The following USP46 variants were observed in gnomAD, a reference collection of about 807,000 sequenced individuals.
USP46 encodes ubiquitin specific peptidase 46, also known as ubiquitin carboxyl-terminal hydrolase 46.
Under a neutral mutation model 44.4 loss-of-function variants are expected in USP46, and 12 were observed. That is an observed-to-expected ratio of 0.27 (90% CI 0.17 to 0.44). The LOEUF is 0.44. Among genes scored for constraint, USP46 ranks in the 20% least tolerant of loss-of-function variants. The pLI, the probability that USP46 is intolerant of heterozygous loss-of-function variation, is 1.00. For missense variants in USP46, 248 were observed against 444.8 expected (o/e 0.56, Z 3.98); for synonymous variants, 155 against 161.5 (o/e 0.96, Z 0.31).
Position 52,626,129 on chromosome 4 carries a change from T to G in USP46, c.450A>C (p.Lys150Asn), listed in dbSNP as rs1247932607. Residue 150 changes from lysine (K) to asparagine (N), a missense_variant, in exon 4 of 9, where the codon AAA (lysine) becomes AAC (asparagine). Physicochemically the swap from Lys to Asn is moderately conservative, Grantham distance 94. Coordinates refer to ENST00000441222, the MANE Select transcript of USP46 (RefSeq NM_022832.4). ...CCGCAGGTTCGTTCATGTTGCCATTTTTTAATTTTCCATTTTGTTTTTCCT... is the reference window on the plus strand; with the variant it reads ...CCGCAGGTTCGTTCATGTTGCCATTGTTTAATTTTCCATTTTGTTTTTCCT... ...KKQEKQNGKL[K>N]NGNMNEPAEN... The G allele has an allele frequency of 6.2e-7, 1 of 1,613,932 alleles. No individual in the cohort carries two copies. Among genetic ancestry groups the G allele is most frequent in the East Asian group, 2.2e-5 (1 of 44,872 alleles).
At chr4:52,651,506 A>G (rs547825663) in intron 1 of USP46, among the ~76,000 whole-genome samples, 1 of 152,334 alleles carries the variant, frequency 6.6e-6, no homozygotes, top group African/African-American at 2.4e-5. Flanking sequence ...TCATACTCTG[A>G]AAATTAAAAT....
At chr4:52,634,260 G>C (rs1017497059) in intron 1 of USP46, among the ~76,000 whole-genome samples, 1 of 151,196 alleles carries the variant, frequency 6.6e-6, no homozygotes, top group African/African-American at 2.4e-5. Flanking sequence ...TGTAATCCCA[G>C]CACTTTGGGA....
chr4:52,604,891 C>T (rs536214234), intron 5 of USP46, among the ~76,000 whole-genome samples: 2 of 152,050 alleles, frequency 1.3e-5, no homozygotes, highest in Non-Finnish European at 2.9e-5. Context: ...GGGTTTCCAA[C>T]TGGATTCAGA....
chr4:52,656,819 C>T (rs959135330), intron 1 of USP46, among the ~76,000 whole-genome samples: 1 of 151,746 alleles, frequency 6.6e-6, no homozygotes, highest in Non-Finnish European at 1.5e-5. Flanking sequence ...GTGGGAGGAC[C>T]ACTTGAGCCC....
At chr4:52,626,307 T>C (rs1717582391) in intron 3 of USP46, 60 bp from the exon 4 acceptor site, 6 of 1,362,532 alleles carry the variant, frequency 4.4e-6, no homozygotes, top group Non-Finnish European at 6.1e-6. Flanking sequence ...TGGATGTAAT[T>C]AGTGTTACAT....
chr4:52,599,262 AG>A (rs1368718349), intron 7 of USP46, among the ~76,000 whole-genome samples: 3 of 113,586 alleles, frequency 2.6e-5, no homozygotes, highest in Non-Finnish European at 5.4e-5. Flanking sequence ...GGGGAGGGGT[AG>A]GGGTGGGGGT....
chr4:52,597,289 G>T lies in USP46; in HGVS notation c.*351C>A, dbSNP rs766543522. On this transcript the variant is annotated 3_prime_UTR_variant, in exon 9 of 9. Transcript: ENST00000441222. The stretch of plus-strand genomic sequence containing the variant: ...TTGTAAGAAGACCCTGGAAGCCATA[G>T]AAGTTTAGCAAACACCTAAAACAGA... The T allele has an allele frequency of 5.1e-6, 1 of 197,756 alleles. No homozygotes were observed. The highest frequency in any genetic ancestry group is 9.9e-5 in the South Asian group (1 of 10,072). The allele number at this position is 197,756 out of a possible 1,614,324, so 12.3% of individuals were successfully genotyped here. A position where few individuals can be genotyped will look rare whatever the true frequency, so the allele number is the denominator to read the frequency against.
At position 52,659,289 on chromosome 4, in the gene USP46, A is replaced by G. The variant is rs1577706979; in HGVS notation, c.-139T>C. 5.0e-6 allele frequency: 2 copies of G among 398,666 alleles called. No individual in the cohort carries two copies. Among genetic ancestry groups the G allele is most frequent in the South Asian group, 1.1e-4 (2 of 18,620 alleles). The allele number at this position is 398,666 out of a possible 1,614,324, so 24.7% of individuals were successfully genotyped here. On this transcript the variant is annotated 5_prime_UTR_variant, in exon 1 of 9. Transcript: ENST00000441222. This position sits in a 1 kb window ranked among gnomAD's most constrained non-coding sequence, Gnocchi z 4.2. ...GGCTTTCAGTTTGGCTGGGAGAGGG[A>G]GGCCGGGAGGAGGAGGCGGCGGCGC...
At chr4:52,610,460 G>T in intron 5 of USP46, 81 bp downstream of exon 5, 2 of 1,223,708 alleles carry the variant, frequency 1.6e-6, no homozygotes, top group African/African-American at 1.5e-5. Flanking sequence ...GGAAGATTAT[G>T]TCCTGAAGAA....
At chr4:52,621,415 T>C (rs1577674266) in intron 4 of USP46, among the ~76,000 whole-genome samples, 1 of 152,118 alleles carries the variant, frequency 6.6e-6, no homozygotes, top group Non-Finnish European at 1.5e-5. Context: ...CAGCACTTTG[T>C]GAGGCTGAGG....
At chr4:52,625,343 C>G (rs1159521566) in intron 4 of USP46, among the ~76,000 whole-genome samples, 2 of 152,000 alleles carry the variant, frequency 1.3e-5, no homozygotes, top group Admixed American at 1.3e-4. Context: ...GAAAAGCCAG[C>G]ATACAAACTT....
intron 6 of USP46, 96 bp from the exon 7 acceptor site, chr4:52,602,150 T>G: frequency 3.7e-6 from 5 of 1,368,498 alleles, no homozygotes; most frequent in Non-Finnish European, 5.0e-6. Flanking sequence ...TAGGAGGTTC[T>G]ATCCAACTTC....
chr4:52,645,556 A>G (rs1236119782), intron 1 of USP46, among the ~76,000 whole-genome samples: 1 of 152,188 alleles, frequency 6.6e-6, no homozygotes, highest in Non-Finnish European at 1.5e-5. Context: ...GAACTCAGTG[A>G]GCTAGAAGCA....
chr4:52,632,867 GA>G (rs1159297271), intron 1 of USP46, among the ~76,000 whole-genome samples: 1 of 140,076 alleles, frequency 7.1e-6, no homozygotes, highest in Non-Finnish European at 1.5e-5. Context: ...GAGAAGACAA[GA>G]CAGAGAAAGA....
At chr4:52,603,653 A>G (rs1487124803) in intron 6 of USP46, among the ~76,000 whole-genome samples, 1 of 152,082 alleles carries the variant, frequency 6.6e-6, no homozygotes, top group Non-Finnish European at 1.5e-5. Context: ...AGGTGGTGCA[A>G]TAACTTTCTA....
At chr4:52,644,781 G>C (rs1260462240) in intron 1 of USP46, among the ~76,000 whole-genome samples, 1 of 150,866 alleles carries the variant, frequency 6.6e-6, no homozygotes, top group African/African-American at 2.4e-5. Context: ...ACCTTGGCCA[G>C]GCGCAGTGGC....
chr4:52,616,128 G>T (rs1367230283), intron 4 of USP46, among the ~76,000 whole-genome samples: 1 of 152,178 alleles, frequency 6.6e-6, no homozygotes, highest in Non-Finnish European at 1.5e-5. Flanking sequence ...GTTCTCAACA[G>T]GGGAAATTTG....
intron 5 of USP46, 65 bp from the exon 6 acceptor site, chr4:52,604,649 A>T: frequency 3.6e-6 from 4 of 1,101,820 alleles, no homozygotes; most frequent in Non-Finnish European, 5.2e-6. Context: ...TATGTTTTAA[A>T]TCCCTCAATT....
At chr4:52,610,701 G>A (rs1716905814) in intron 4 of USP46, 84 bp from the exon 5 acceptor site, 1 of 1,312,580 alleles carries the variant, frequency 7.6e-7, no homozygotes. Flanking sequence ...ATCACCGACT[G>A]CAATAAAAAC....
Sources: allele counts gnomAD v4.1 joint callset (sites outside exome capture counted in the v4.1 genomes callset), GRCh38; gene constraint gnomAD v4.1.1; non-coding constraint Gnocchi (gnomAD v3.1); transcripts MANE v1.5; gene names NCBI Gene and HGNC (gene_info 2026-07-23, HGNC 2026-07-21).